Variants in DNAH5 observed in about 807,000 individuals in gnomAD.
DNAH5 encodes the protein dynein axonemal heavy chain 5.
In DNAH5, 372 loss-of-function variants were observed where a neutral mutation model predicts 518.2. The ratio of observed to expected loss-of-function variants is 0.72; its 90% CI spans 0.66 to 0.78. DNAH5 has a LOEUF of 0.78. Ranked by LOEUF, DNAH5 falls within the 30% of genes least tolerant of loss-of-function variation. The probability of loss-of-function intolerance (pLI) is 0.00; values close to 1 mark genes in which losing one functional copy is unlikely to be tolerated. For missense variants in DNAH5, 5,523 were observed against 5,687.0 expected, an observed-to-expected ratio of 0.97 and a Z score of 0.93; for synonymous variants, 2,039 against 2,025.9, an observed-to-expected ratio of 1.01 and a Z score of -0.17.
chr5:13,861,867 C>A (rs536055787), intron 29 of DNAH5, among the ~76,000 whole-genome samples: 4 of 144,832 alleles, frequency 2.8e-5, no homozygotes, highest in Non-Finnish European at 6.0e-5. Flanking sequence ...GCGGCAGAAT[C>A]ACTTGAGCCA....
intron 4 of DNAH5, 54 bp downstream of exon 4, chr5:13,923,226 G>T: frequency 6.3e-7 from 1 of 1,598,992 alleles, no homozygotes; most frequent in Non-Finnish European, 8.6e-7. Context: ...ATATTTGTGT[G>T]CAAGTTGTGT....
intron 47 of DNAH5, among the ~76,000 whole-genome samples, chr5:13,804,936 G>A (rs1483382195): frequency 1.3e-5 from 2 of 152,106 alleles, no homozygotes; most frequent in African/African-American, 4.8e-5. Flanking sequence ...TTTAATACCT[G>A]GCAGAGATAA....
chr5:13,845,556 C>A (rs1000141553), intron 31 of DNAH5, among the ~76,000 whole-genome samples: 5 of 152,052 alleles, frequency 3.3e-5, no homozygotes, highest in Admixed American at 2.0e-4. Context: ...TTTCCAAAAT[C>A]CACTGAATGT....
chr5:13,762,725 C>A lies in DNAH5; in HGVS notation c.10278G>T (p.Leu3426=). 1 of 1,613,912 alleles carries A rather than the reference C, an allele frequency of 6.2e-7. No homozygotes were observed. Among genetic ancestry groups the A allele is most frequent in the Non-Finnish European group, 8.5e-7 (1 of 1,179,896 alleles). The change falls in exon 60 of 79, where the codon CTG becomes CTT. Residue 3426 remains leucine, a synonymous_variant. Transcript: ENST00000265104. Reference sequence around the variant, plus strand: ...CAGGTCTGCCTAGCAGGCTTACCTTCAGAGGCAGTACTTCTTTGTTTATAG... The same window carrying A: ...CAGGTCTGCCTAGCAGGCTTACCTTAAGAGGCAGTACTTCTTTGTTTATAG... The part of the protein sequence containing the change: ...FFSINKEVLP[L]KANLVVQENR...
intron 1 of DNAH5, among the ~76,000 whole-genome samples, chr5:13,951,847 A>G (rs1037230205): frequency 4.6e-5 from 7 of 152,112 alleles, no homozygotes; most frequent in African/African-American, 7.2e-5. Flanking sequence ...AGAAAGTAAA[A>G]AGTAGAGTTA....
At chr5:13,926,202 G>A (rs976716318) in intron 3 of DNAH5, among the ~76,000 whole-genome samples, 1 of 152,154 alleles carries the variant, frequency 6.6e-6, no homozygotes, top group Non-Finnish European at 1.5e-5. Context: ...AGCACCTGAG[G>A]GAGGATGGGA....
intron 55 of DNAH5, chr5:13,771,267 A>T (rs1353484379): frequency 2.4e-6 from 1 of 424,732 alleles, no homozygotes; most frequent in Non-Finnish European, 4.4e-6. Flanking sequence ...GGTTCTGGTC[A>T]GCAGCCAACC....
chr5:13,843,526 T>G (rs1765558523), intron 32 of DNAH5, among the ~76,000 whole-genome samples: 1 of 152,198 alleles, frequency 6.6e-6, no homozygotes, highest in African/African-American at 2.4e-5. Context: ...ATAGCATCTT[T>G]GCAGATGTGA....
In DNAH5 at chr5:13,911,407, G is replaced by A. The variant is rs781423548; in HGVS notation, c.1623C>T (p.Cys541=). Reference sequence around the variant, plus strand: ...CTACATGAAGGTCATTAGTCTGCTTGCAAAACTCTTCGTAATCTTGGTCAA... The same window carrying A: ...CTACATGAAGGTCATTAGTCTGCTTACAAAACTCTTCGTAATCTTGGTCAA... ...MDFDQDYEEF[C]KQTNDLHNEL... The change falls in exon 12 of 79, where the codon TGC becomes TGT. Residue 541 remains cysteine, a synonymous_variant. Transcript: ENST00000265104. 85 of 1,613,608 alleles carry A rather than the reference G, an allele frequency of 5.3e-5. 1 individual carries two copies. Among genetic ancestry groups the A allele is most frequent in the Non-Finnish European group, 7.2e-5 (85 of 1,179,756 alleles).
At chr5:13,818,743 A>G (rs116506515) in intron 41 of DNAH5, among the ~76,000 whole-genome samples, 75 of 152,308 alleles carry the variant, frequency 4.9e-4, no homozygotes, top group African/African-American at 1.7e-3. Context: ...TGCTTCTAAT[A>G]CAGAACCTGA....
chr5:13,881,625 T>C (rs1771690929), intron 21 of DNAH5, among the ~76,000 whole-genome samples: 1 of 151,994 alleles, frequency 6.6e-6, no homozygotes. Flanking sequence ...CAAAATATCC[T>C]GAGACAAATG....
chr5:13,985,430 A>AATATATATATATATATATATATAT (rs145568740), intron 1 of DNAH5, among the ~76,000 whole-genome samples: 1 of 127,344 alleles, frequency 7.9e-6, no homozygotes, highest in Non-Finnish European at 1.7e-5. Flanking sequence ...AGTATAATAA[A>AATATATATATATATATATATATAT]ATATATATAT....
At chr5:13,821,259 T>C (rs1478872074) in intron 40 of DNAH5, among the ~76,000 whole-genome samples, 2 of 152,160 alleles carry the variant, frequency 1.3e-5, no homozygotes, top group Admixed American at 6.5e-5. Context: ...AACAGCAAAA[T>C]GTATTTTAAA....
intron 21 of DNAH5, among the ~76,000 whole-genome samples, chr5:13,878,160 C>T (rs1460722924): frequency 5.3e-5 from 8 of 152,186 alleles, no homozygotes; most frequent in African/African-American, 1.9e-4. Context: ...AAAACACAGT[C>T]TTCTGTTTCT....
At chr5:13,744,716 T>C (rs543049758) in intron 65 of DNAH5, among the ~76,000 whole-genome samples, 1 of 152,240 alleles carries the variant, frequency 6.6e-6, no homozygotes, top group South Asian at 2.1e-4. Context: ...TTACTGTAAG[T>C]AGCTTAACAA....
In DNAH5 at chr5:13,867,987, A is replaced by G. The variant is rs764633264; in HGVS notation, c.3840T>C (p.Ser1280=). The G allele has an allele frequency of 1.3e-6, 2 of 1,592,094 alleles. No individual in the cohort carries two copies. Among genetic ancestry groups the G allele is most frequent in the Non-Finnish European group, 1.7e-6 (2 of 1,168,324 alleles). The part of the protein sequence containing the change: ...IDFQVGPIEE[S]YALLNRYGLL... ...GTCCATATCTGTTAAGCAGGGCATA[A>G]GATTCCTAAAAAAAAATAGGAAAAA... The change falls in exon 25 of 79, where the codon TCT becomes TCC. Residue 1280 remains serine (S), a synonymous_variant. Transcript: ENST00000265104.
At chr5:13,833,686 A>C (rs1395758495) in intron 35 of DNAH5, among the ~76,000 whole-genome samples, 2 of 152,158 alleles carry the variant, frequency 1.3e-5, no homozygotes, top group Non-Finnish European at 2.9e-5. Flanking sequence ...AGCTGTGGGA[A>C]TGTCAGAGAA....
At chr5:13,769,675 A>G in intron 56 of DNAH5, 60 bp from the exon 57 acceptor site, 1 of 1,366,728 alleles carries the variant, frequency 7.3e-7, no homozygotes, top group Non-Finnish European at 1.0e-6. Flanking sequence ...TGCAATTCTC[A>G]AGTACTGGTC....
At chr5:13,898,476 G>C (rs1173376734) in intron 15 of DNAH5, 4 of 398,286 alleles carry the variant, frequency 1.0e-5, no homozygotes, top group African/African-American at 2.1e-5. Flanking sequence ...TACATTTGAG[G>C]AATGTCTGTC....
Sources: allele counts gnomAD v4.1 joint callset (sites outside exome capture counted in the v4.1 genomes callset), GRCh38; gene constraint gnomAD v4.1.1; transcripts MANE v1.5; gene names NCBI Gene and HGNC (gene_info 2026-07-23, HGNC 2026-07-21).